CNOT9: variants seen among roughly 807,000 people sequenced by gnomAD.
CNOT9 encodes the protein RCD1 required for cell differentiation1 homolog.
In CNOT9, 8 loss-of-function variants were observed where a neutral mutation model predicts 37.4. That is an observed-to-expected ratio of 0.21 (90% CI 0.13 to 0.39). The LOEUF is 0.39. Among genes scored for constraint, CNOT9 ranks in the 10% least tolerant of loss-of-function variants. The pLI is 1.00. For synonymous variants in CNOT9, 120 were observed against 137.6 expected, an observed-to-expected ratio of 0.87 and a Z score of 0.90; for missense variants, 154 against 365.3, an observed-to-expected ratio of 0.42 and a Z score of 4.71.
chr2:218,580,562 C>T lies in CNOT9; in HGVS notation c.26C>T (p.Pro9Leu). Reference sequence around the variant, plus strand: ...TTACTTTCTTGTCTTCATCTGAAGCCTGTGCCTACTACACTGGCACAAGTG... The same window carrying T: ...TTACTTTCTTGTCTTCATCTGAAGCTTGTGCCTACTACACTGGCACAAGTG... Reference protein sequence around the residue: MHSLATAAPVPTTLAQVDR... With the variant: MHSLATAALVPTTLAQVDR... Residue 9 changes from proline (P) to leucine (L), a missense_variant and splice_region_variant, in exon 2 of 8, where the codon CCT becomes CTT. Pro to Leu is a moderately conservative substitution (Grantham distance 98, BLOSUM62 -3). Around this residue, in one of 2 missense-constraint regions of CNOT9, gnomAD observed 37 missense variants for 39.9 expected, o/e 0.93. Coordinates refer to ENST00000273064, the MANE Select transcript of CNOT9 (RefSeq NM_005444.3). The T allele has an allele frequency of 6.2e-7, 1 of 1,605,918 alleles. No individual in the cohort carries two copies. The highest frequency in any genetic ancestry group is 8.5e-7 in the Non-Finnish European group (1 of 1,175,888).
intron 1 of CNOT9, among the ~76,000 whole-genome samples, chr2:218,577,685 A>G (rs1219130105): frequency 6.6e-6 from 1 of 152,210 alleles, no homozygotes. Context: ...GAGGCATGGT[A>G]TGCAAACCAG....
rs1694941813 is a variant in CNOT9, at chr2:218,596,917, C to T, written c.*2641C>T. 1 of 152,152 alleles carries T rather than the reference C, an allele frequency of 6.6e-6. No homozygotes were observed. Among genetic ancestry groups the T allele is most frequent in the African/African-American group, 2.4e-5 (1 of 41,424 alleles). 9.4% of individuals were successfully genotyped at this position (152,152 alleles called of 1,614,324 possible). ...TTCTTTTTTCAAGAGCCTTAGAGGG[C>T]CTGTGGCCTGTTTCACTGGTGGAAC... is the stretch of plus-strand genomic sequence containing the variant. On this transcript the variant is annotated 3_prime_UTR_variant, in exon 8 of 8. Coordinates refer to ENST00000273064, the MANE Select transcript of CNOT9 (RefSeq NM_005444.3).
intron 3 of CNOT9, 83 bp from the exon 4 acceptor site, chr2:218,584,529 G>T (rs1694526537): frequency 1.1e-5 from 11 of 983,020 alleles, no homozygotes; most frequent in Non-Finnish European, 1.8e-5. Context: ...AGGCCTTACA[G>T]AATTAACCAC....
chr2:218,574,902 G>A (rs980224164), intron 1 of CNOT9, among the ~76,000 whole-genome samples: 7 of 151,910 alleles, frequency 4.6e-5, no homozygotes, highest in African/African-American at 9.7e-5. Context: ...CTATTGAAGC[G>A]TACACTTAAA....
Position 218,594,607 on chromosome 2 carries a change from G to A in CNOT9, c.*331G>A. On this transcript the variant is annotated 3_prime_UTR_variant, in exon 8 of 8. Coordinates refer to ENST00000273064, the MANE Select transcript of CNOT9 (RefSeq NM_005444.3). ...CTCCCCTACCTCTACCTAGCCACTG[G>A]CAGGGAGGGGAGACAGTGGTGATAG... 3.6e-6 allele frequency: 1 copy of A among 278,464 alleles called. No individual in the cohort carries two copies. Among genetic ancestry groups the A allele is most frequent in the South Asian group, 6.6e-5 (1 of 15,142 alleles). 17.2% of individuals were successfully genotyped at this position (278,464 alleles called of 1,614,324 possible). A position where few individuals can be genotyped will look rare whatever the true frequency, so the allele number is the denominator to read the frequency against.
intron 1 of CNOT9, among the ~76,000 whole-genome samples, chr2:218,577,126 G>T (rs1331320153): frequency 1.3e-5 from 2 of 152,154 alleles, no homozygotes; most frequent in Non-Finnish European, 2.9e-5. Flanking sequence ...CTGTGCCTCA[G>T]ATTTTCCTTA....
intron 1 of CNOT9, chr2:218,572,624 C>A: frequency 1.1e-6 from 1 of 926,424 alleles, no homozygotes; most frequent in East Asian, 1.2e-4. Flanking sequence ...TAGTGAGACC[C>A]TGTCTCAAAG....
Position 218,596,024 on chromosome 2 carries a change from A to G in CNOT9, c.*1748A>G, listed in dbSNP as rs1694918042. ...GCAGAGAACAGAATGGACTGGATAG[A>G]CATCTTGACTCTATTCAGCCCGTAG... On this transcript the variant is annotated 3_prime_UTR_variant, in exon 8 of 8. Transcript: ENST00000273064. 6.6e-6 allele frequency: 1 copy of G among 152,182 alleles called. No individual in the cohort carries two copies. 9.4% of individuals were successfully genotyped at this position (152,182 alleles called of 1,614,324 possible). A position where few individuals can be genotyped will look rare whatever the true frequency, so the allele number is the denominator to read the frequency against.
chr2:218,571,210 T>A (rs1202404625), intron 1 of CNOT9, among the ~76,000 whole-genome samples: 1 of 152,200 alleles, frequency 6.6e-6, no homozygotes, highest in Non-Finnish European at 1.5e-5. Context: ...ATCTCTTTTT[T>A]AAAATAGTAG....
intron 1 of CNOT9, among the ~76,000 whole-genome samples, chr2:218,572,048 C>T (rs1331669118): frequency 6.6e-6 from 1 of 151,990 alleles, no homozygotes; most frequent in Non-Finnish European, 1.5e-5. Flanking sequence ...CGGCCGGGTA[C>T]TGTGGCTCAT....
At position 218,568,946 on chromosome 2, in the gene CNOT9, G is replaced by A. The variant is rs763886558; in HGVS notation, c.-9G>A. On this transcript the variant is annotated 5_prime_UTR_variant, in exon 1 of 8. Transcript: ENST00000273064. ...CCGGCTGTGGAAGAGAGCGGCGGCC[G>A]CTCACAACATGCACAGCCTGGCGAC... 4 of 1,607,646 alleles carry A rather than the reference G, an allele frequency of 2.5e-6. No individual in the cohort carries two copies. Among genetic ancestry groups the A allele is most frequent in the South Asian group, 1.1e-5 (1 of 90,406 alleles).
chr2:218,583,048 G>A lies in CNOT9; in HGVS notation c.282G>A (p.Leu94=), dbSNP rs138233328. The A allele has an allele frequency of 1.0e-4, 167 of 1,613,766 alleles. No individual in the cohort carries two copies. Among genetic ancestry groups the A allele is most frequent in the Admixed American group, 4.0e-4 (24 of 59,998 alleles). The change falls in exon 3 of 8, where the codon CTG becomes CTA. Residue 94 remains leucine (L), a synonymous_variant. Coordinates refer to ENST00000273064, the MANE Select transcript of CNOT9 (RefSeq NM_005444.3). ...AGTCTAACAGAGTTTGCAATGCTCT[G>A]GCATTACTGCAATGTGTAGCATCAC... ...AHQSNRVCNA[L]ALLQCVASHP...
In CNOT9 at chr2:218,592,419, A is replaced by G. The variant is rs200156712; in HGVS notation, c.639+17A>G. On this transcript the variant is annotated intron_variant, in intron 6 of 7. Coordinates refer to ENST00000273064, the MANE Select transcript of CNOT9 (RefSeq NM_005444.3). This position sits in a 1 kb window ranked among gnomAD's most constrained non-coding sequence, Gnocchi z 4.1. ...ATGATCTTGGTGAGTTCTTTCATCT[A>G]TCCCCTTTACAACTACTTCTCATCA... The G allele has an allele frequency of 4.5e-5, 72 of 1,594,192 alleles. No individual in the cohort carries two copies. The highest frequency in any genetic ancestry group is 3.3e-4 in the Admixed American group (20 of 59,986).
intron 1 of CNOT9, among the ~76,000 whole-genome samples, chr2:218,572,163 A>G (rs1416572194): frequency 6.6e-6 from 1 of 151,858 alleles, no homozygotes; most frequent in South Asian, 2.1e-4. Flanking sequence ...TCTACTAAAA[A>G]TACAAAAATT....
Position 218,596,275 on chromosome 2 carries a change from A to G in CNOT9, c.*1999A>G, listed in dbSNP as rs778329592. Reference sequence around the variant, plus strand: ...ATTCTCAGCTGGCCTTGGAACCCACATAGGAGTTGGTGGGGGAGGGATGGA... The same window carrying G: ...ATTCTCAGCTGGCCTTGGAACCCACGTAGGAGTTGGTGGGGGAGGGATGGA... On this transcript the variant is annotated 3_prime_UTR_variant, in exon 8 of 8. Coordinates refer to ENST00000273064, the MANE Select transcript of CNOT9 (RefSeq NM_005444.3). The G allele has an allele frequency of 1.3e-5, 2 of 152,104 alleles. No homozygotes were observed. The highest frequency in any genetic ancestry group is 2.9e-5 in the Non-Finnish European group (2 of 68,036). 9.4% of individuals were successfully genotyped at this position (152,104 alleles called of 1,614,324 possible). A position where few individuals can be genotyped will look rare whatever the true frequency, so the allele number is the denominator to read the frequency against.
At position 218,594,667 on chromosome 2, in the gene CNOT9, C is replaced by T. The variant is rs1356067389; in HGVS notation, c.*391C>T. 2.2e-5 allele frequency: 4 copies of T among 181,820 alleles called. No homozygotes were observed. Among genetic ancestry groups the T allele is most frequent in the Non-Finnish European group, 4.6e-5 (4 of 87,756 alleles). 11.3% of individuals were successfully genotyped at this position (181,820 alleles called of 1,614,324 possible). On this transcript the variant is annotated 3_prime_UTR_variant, in exon 8 of 8. Transcript: ENST00000273064. Reference sequence around the variant, plus strand: ...TCTAGGCATGGTGAACGCCTGGGACCAAGCCATGTGGCGTTTTTTATTTTG... The same window carrying T: ...TCTAGGCATGGTGAACGCCTGGGACTAAGCCATGTGGCGTTTTTTATTTTG...
In CNOT9 at chr2:218,592,911, C is replaced by T; in HGVS notation, c.731+204C>T. 1 of 570,274 alleles carries T rather than the reference C, an allele frequency of 1.8e-6. No individual in the cohort carries two copies. The highest frequency in any genetic ancestry group is 3.1e-6 in the Non-Finnish European group (1 of 321,824). The allele number at this position is 570,274 out of a possible 1,614,324, so 35.3% of individuals were successfully genotyped here. On this transcript the variant is annotated intron_variant, in intron 7 of 7. Coordinates refer to ENST00000273064, the MANE Select transcript of CNOT9 (RefSeq NM_005444.3). The surrounding 1 kb of genome is among the most constrained non-coding windows in gnomAD (Gnocchi z 4.1). ...TCAGTTTCATCTTCTCACTGTAACT[C>T]TCCATCCTACTGTGAAATTCCAGAG...
At chr2:218,590,949 C>T (rs1035459161) in intron 5 of CNOT9, among the ~76,000 whole-genome samples, 1 of 152,148 alleles carries the variant, frequency 6.6e-6, no homozygotes, top group Non-Finnish European at 1.5e-5. Context: ...CCTTGGCCTC[C>T]CAGAGTGCTG....
intron 1 of CNOT9, among the ~76,000 whole-genome samples, chr2:218,573,460 C>T (rs962092779): frequency 7.9e-5 from 12 of 151,426 alleles, no homozygotes; most frequent in Non-Finnish European, 1.0e-4. Flanking sequence ...GATCTCCAGA[C>T]TTGGGAAAAT....
Sources: allele counts gnomAD v4.1 joint callset (sites outside exome capture counted in the v4.1 genomes callset), GRCh38; gene constraint gnomAD v4.1.1; regional missense constraint gnomAD v4.1.1; non-coding constraint Gnocchi (gnomAD v3.1); transcripts MANE v1.5; gene names NCBI Gene and HGNC (gene_info 2026-07-23, HGNC 2026-07-21).